CACNA1E: variants seen among roughly 807,000 people sequenced by gnomAD.
CACNA1E encodes the protein voltage-dependent R-type calcium channel subunit alpha-1E.
A neutral mutation model predicts 259.2 loss-of-function variants in CACNA1E; 40 were observed. The ratio of observed to expected loss-of-function variants is 0.15; its 90% CI spans 0.12 to 0.20. The LOEUF (loss-of-function observed/expected upper bound fraction) is 0.20, where lower values mean the gene tolerates loss of function less well. Among genes scored for constraint, CACNA1E ranks in the 10% least tolerant of loss-of-function variants. The probability of loss-of-function intolerance (pLI) is 1.00; values close to 1 mark genes in which losing one functional copy is unlikely to be tolerated. For synonymous variants in CACNA1E, 1,104 were observed against 1,138.5 expected, an observed-to-expected ratio of 0.97 and a Z score of 0.61; for missense variants, 1,874 against 3,040.1, an observed-to-expected ratio of 0.62 and a Z score of 9.02.
At chr1:181,435,500 C>G (rs575633801) in intron 2 of CACNA1E, among the ~76,000 whole-genome samples, 1 of 152,288 alleles carries the variant, frequency 6.6e-6, no homozygotes, top group South Asian at 2.1e-4. Context: ...GCATTCTGTT[C>G]TCTATGTGTA....
At chr1:181,751,427 C>T (rs534705854) in intron 26 of CACNA1E, among the ~76,000 whole-genome samples, 8 of 152,290 alleles carry the variant, frequency 5.3e-5, no homozygotes, top group African/African-American at 1.7e-4. Context: ...AGGTGCACAC[C>T]ATCTGCAATG....
intron 1 of CACNA1E, among the ~76,000 whole-genome samples, chr1:181,492,314 A>C (rs1053375264): frequency 2.6e-5 from 4 of 152,196 alleles, no homozygotes; most frequent in African/African-American, 9.7e-5. Flanking sequence ...CACAGTTCCA[A>C]TGGTGTGTGC....
rs145061138 is a variant in CACNA1E at position 181,407,342 on chromosome 1, AG to A, written c.-14-5789del. On this transcript the variant is annotated intron_variant, in intron 1 of 11. Transcript: ENST00000524607. ...TGATATAGACTGGAAATGATTGAGA[AG>A]GACACTGTTCTAGTGGCTTTTAGCA... Among the ~76,000 whole-genome samples, 1,071 of 152,272 alleles carry A rather than the reference AG, an allele frequency of 7.0e-3. 15 individuals carry two copies. The highest frequency in any genetic ancestry group is 0.024 in the African/African-American group (1,000 of 41,548).
At chr1:181,381,286 A>G (rs1198155532) in intron 1 of CACNA1E, among the ~76,000 whole-genome samples, 2 of 152,176 alleles carry the variant, frequency 1.3e-5, no homozygotes, top group East Asian at 1.9e-4. Flanking sequence ...AAACAAACCC[A>G]TATATCAACA....
In CACNA1E at chr1:181,785,812, T is replaced by G; in HGVS notation, c.5779T>G (p.Ser1927Ala). 6.2e-7 allele frequency: 1 copy of G among 1,605,452 alleles called. No individual in the cohort carries two copies. Among genetic ancestry groups the G allele is most frequent in the Non-Finnish European group, 8.5e-7 (1 of 1,175,930 alleles). ...ALPYLQQDPV[S>A]GLSGRSGYPS... ...GCCTTACCTCCAGCAGGACCCCGTTTCAGGCCTGTGAGTAGCACCAAAACA... is the reference window on the plus strand; with the variant it reads ...GCCTTACCTCCAGCAGGACCCCGTTGCAGGCCTGTGAGTAGCACCAAAACA... Residue 1927 changes from serine (S) to alanine (A), a missense_variant, in exon 43 of 48, where the codon TCA (serine) becomes GCA (alanine). By Grantham distance (99) the Ser-to-Ala change is moderately conservative (BLOSUM62 1). This residue lies in a region of CACNA1E where 542 missense variants were observed against 587.2 expected (regional missense o/e 0.92). Transcript: ENST00000367573.
intron 17 of CACNA1E, among the ~76,000 whole-genome samples, chr1:181,725,225 A>T (rs1474183868): frequency 6.6e-6 from 1 of 152,222 alleles, no homozygotes; most frequent in African/African-American, 2.4e-5. Context: ...TTCTCTGATG[A>T]TCTTTCTACA....
intron 7 of CACNA1E, among the ~76,000 whole-genome samples, chr1:181,685,152 T>C (rs1265218211): frequency 6.8e-6 from 1 of 146,688 alleles, no homozygotes; most frequent in East Asian, 2.1e-4. Context: ...GAAGTTTTCC[T>C]CCCAGGAGCA....
intron 6 of CACNA1E, among the ~76,000 whole-genome samples, chr1:181,637,835 T>C (rs1657380617): frequency 6.6e-6 from 1 of 152,064 alleles, no homozygotes; most frequent in Non-Finnish European, 1.5e-5. Flanking sequence ...GAGTGGAGGC[T>C]TTTCAGGTGG....
chr1:181,421,899 G>A (rs1016952355), intron 2 of CACNA1E, among the ~76,000 whole-genome samples: 1 of 152,182 alleles, frequency 6.6e-6, no homozygotes, highest in African/African-American at 2.4e-5. Flanking sequence ...ACAACAGGCA[G>A]GGACAATATG....
chr1:181,562,007 T>G (rs1297951995), intron 3 of CACNA1E, among the ~76,000 whole-genome samples: 2 of 152,202 alleles, frequency 1.3e-5, no homozygotes, highest in Non-Finnish European at 2.9e-5. Flanking sequence ...ATGTCCCATC[T>G]TTTCATGTGC....
At chr1:181,490,385 A>G (rs1365597764) in intron 1 of CACNA1E, among the ~76,000 whole-genome samples, 1 of 151,998 alleles carries the variant, frequency 6.6e-6, no homozygotes, top group Non-Finnish European at 1.5e-5. Context: ...TATTAAAAAA[A>G]AAAAAAGGAG....
intron 1 of CACNA1E, among the ~76,000 whole-genome samples, chr1:181,364,510 G>T (rs543097818): frequency 6.6e-6 from 1 of 152,334 alleles, no homozygotes; most frequent in East Asian, 1.9e-4. Flanking sequence ...GAAGGAGCCA[G>T]ATTGGAAGGC....
chr1:181,427,768 T>C (rs1659408131), intron 2 of CACNA1E, among the ~76,000 whole-genome samples: 1 of 149,060 alleles, frequency 6.7e-6, no homozygotes, highest in Non-Finnish European at 1.5e-5. Flanking sequence ...ATACTTAAGC[T>C]GGGAAAAATT....
chr1:181,611,834 C>G (rs1654779290), intron 6 of CACNA1E, among the ~76,000 whole-genome samples: 2 of 152,182 alleles, frequency 1.3e-5, no homozygotes, highest in Non-Finnish European at 2.9e-5. Flanking sequence ...TGTTACAGTT[C>G]TTAGATAAAG....
At chr1:181,652,342 A>G (rs1558229693) in intron 7 of CACNA1E, among the ~76,000 whole-genome samples, 1 of 152,240 alleles carries the variant, frequency 6.6e-6, no homozygotes, top group South Asian at 2.1e-4. Flanking sequence ...ACGTTCTTCA[A>G]ATGAAAATTT....
At chr1:181,671,813 AG>A (rs1648830810) in intron 7 of CACNA1E, among the ~76,000 whole-genome samples, 1 of 152,232 alleles carries the variant, frequency 6.6e-6, no homozygotes, top group Non-Finnish European at 1.5e-5. Flanking sequence ...TTCTTCACTC[AG>A]GGGTGTTAAA....
At chr1:181,786,210 T>A (rs1660832587) in intron 43 of CACNA1E, among the ~76,000 whole-genome samples, 1 of 152,222 alleles carries the variant, frequency 6.6e-6, no homozygotes, top group Non-Finnish European at 1.5e-5. Flanking sequence ...CCATGCTGGC[T>A]GAGTGTAAGA....
At chr1:181,722,036 T>A (rs1402897278) in intron 16 of CACNA1E, among the ~76,000 whole-genome samples, 161 bp downstream of exon 16, 6 of 152,218 alleles carry the variant, frequency 3.9e-5, no homozygotes, top group Non-Finnish European at 8.8e-5. Flanking sequence ...TGAAGGACTT[T>A]ATGTACTAGT....
At chr1:181,736,701 C>G (rs911966756) in intron 22 of CACNA1E, among the ~76,000 whole-genome samples, 2 of 152,146 alleles carry the variant, frequency 1.3e-5, no homozygotes, top group Non-Finnish European at 1.5e-5. Flanking sequence ...GAACTCTTTA[C>G]CAGTCTTTGG....
Sources: gnomAD v4.1 joint callset for allele counts (sites outside exome capture counted in the v4.1 genomes callset) on GRCh38, gnomAD v4.1.1 for gene constraint, gnomAD v4.1.1 regional missense constraint, MANE v1.5 for transcripts, NCBI Gene and HGNC (gene_info 2026-07-23, HGNC 2026-07-21) for gene names.